The following PCDH11Y variants were observed in gnomAD, a reference collection of about 807,000 sequenced individuals.
The protein encoded by PCDH11Y is protocadherin 11 Y-linked, also known as protocadherin-11 Y-linked.
For synonymous variants in PCDH11Y, 9 were observed against 83.6 expected (o/e 0.11, Z 4.87); for missense variants, 12 against 224.8 (o/e 0.05, Z 6.05).
intron 4 of PCDH11Y, among the ~76,000 whole-genome samples, chrY:5,725,215 C>T (rs2053597772): frequency 1.1e-3 from 28 of 25,233 alleles, no homozygotes; most frequent in African/African-American, 4.0e-3. Context: ...TGCAGTGAGC[C>T]GGAGATCGTG....
At chrY:5,298,884 T>C in intron 2 of PCDH11Y, among the ~76,000 whole-genome samples, 1 of 32,981 alleles carries the variant, frequency 3.0e-5, no homozygotes, top group Admixed American at 2.8e-4. Context: ...AGTTTTTCTA[T>C]ATTCTGATAA....
intron 2 of PCDH11Y, among the ~76,000 whole-genome samples, chrY:5,132,008 G>A (rs2052834719): frequency 8.9e-4 from 29 of 32,732 alleles, no homozygotes; most frequent in Non-Finnish European, 1.7e-3. Flanking sequence ...GATTGAGATC[G>A]ACTATCTTAA....
chrY:5,300,805 T>C, intron 2 of PCDH11Y, among the ~76,000 whole-genome samples: 1 of 33,551 alleles, frequency 3.0e-5, no homozygotes, highest in Non-Finnish European at 7.5e-5. Context: ...TGACAGCAGG[T>C]TTATGGTCTC....
intron 2 of PCDH11Y, among the ~76,000 whole-genome samples, chrY:5,363,652 A>G: frequency 1.3e-4 from 4 of 30,331 alleles, no homozygotes; most frequent in Middle Eastern, 0.015. Flanking sequence ...TTGAAATTGC[A>G]TTTACATATA....
At chrY:5,109,084 T>C (rs1602869176), downstream of PCDH11Y, among the ~76,000 whole-genome samples, 1 of 33,207 alleles carries the variant, frequency 3.0e-5, no homozygotes, top group East Asian at 7.9e-4. Flanking sequence ...TTTCTTGGCT[T>C]TTATGAAGCT....
chrY:5,355,998 C>G, intron 2 of PCDH11Y, among the ~76,000 whole-genome samples: 1 of 33,047 alleles, frequency 3.0e-5, no homozygotes, highest in Non-Finnish European at 7.4e-5. Flanking sequence ...GAGTTATAAA[C>G]TTTCCCTTGA....
intron 2 of PCDH11Y, among the ~76,000 whole-genome samples, chrY:5,457,155 T>A (rs2053299133): frequency 3.0e-5 from 1 of 33,464 alleles, no homozygotes; most frequent in African/African-American, 1.2e-4. Context: ...TCAAATTAAG[T>A]GTTTTATATA....
chrY:5,491,410 C>T, intron 2 of PCDH11Y, among the ~76,000 whole-genome samples: 1 of 33,122 alleles, frequency 3.0e-5, no homozygotes, highest in African/African-American at 1.2e-4. Flanking sequence ...CTGAGAGGTG[C>T]GCTTTCACTC....
intron 2 of PCDH11Y, among the ~76,000 whole-genome samples, chrY:5,474,869 G>T (rs1602930683): frequency 7.5e-3 from 247 of 32,811 alleles, no homozygotes; most frequent in African/African-American, 0.028. Flanking sequence ...AGTTTTCAGT[G>T]AATACCTTTC....
chrY:5,018,939 C>T, intron 1 of PCDH11Y: 1 of 33,635 alleles, frequency 3.0e-5, no homozygotes, highest in African/African-American at 1.2e-4. Context: ...AACACAGATG[C>T]ATTTGCTTGA....
chrY:5,029,792 G>A, intron 1 of PCDH11Y, among the ~76,000 whole-genome samples: 2 of 29,206 alleles, frequency 6.8e-5, no homozygotes, highest in East Asian at 8.9e-4. Flanking sequence ...GCATGGTGAC[G>A]GGTGCCTGTA....
At chrY:5,174,139 G>GATAT (rs771513755) in intron 2 of PCDH11Y, among the ~76,000 whole-genome samples, 192 of 9,822 alleles carry the variant, frequency 0.02, no homozygotes, top group Middle Eastern at 0.15. Flanking sequence ...ATACAAATGT[G>GATAT]ATATATATAT....
chrY:5,459,470 A>G, intron 2 of PCDH11Y, among the ~76,000 whole-genome samples: 3 of 32,220 alleles, frequency 9.3e-5, no homozygotes, highest in Admixed American at 2.9e-4. Flanking sequence ...GGTTAGATAC[A>G]GGGAAGCTAC....
chrY:5,374,172 A>C, intron 2 of PCDH11Y, among the ~76,000 whole-genome samples: 1 of 30,853 alleles, frequency 3.2e-5, no homozygotes, highest in Non-Finnish European at 7.8e-5. Flanking sequence ...GAGCTCAGTA[A>C]TTATAATTAT....
At chrY:5,502,047 A>G (rs2053354527) in intron 3 of PCDH11Y, among the ~76,000 whole-genome samples, 1 of 32,013 alleles carries the variant, frequency 3.1e-5, no homozygotes, top group East Asian at 8.0e-4. Context: ...ACAAAAAAGC[A>G]TACAATATAT....
chrY:5,584,317 T>G, intron 4 of PCDH11Y, among the ~76,000 whole-genome samples: 1 of 31,589 alleles, frequency 3.2e-5, no homozygotes, highest in Non-Finnish European at 7.8e-5. Flanking sequence ...AATGTGTTGT[T>G]GAATTCAGTT....
At chrY:5,132,862 T>G (rs2052835438) in intron 2 of PCDH11Y, among the ~76,000 whole-genome samples, 29 of 33,351 alleles carry the variant, frequency 8.7e-4, no homozygotes, top group Admixed American at 7.0e-3. Context: ...TATCTCATCA[T>G]TATTTAAAAT....
At chrY:5,274,615 G>T (rs2053041999) in intron 2 of PCDH11Y, among the ~76,000 whole-genome samples, 4 of 34,203 alleles carry the variant, frequency 1.2e-4, no homozygotes, top group African/African-American at 4.5e-4. Flanking sequence ...AAGGTGCTGG[G>T]ATTACAGGCA....
chrY:5,308,611 G>A, intron 2 of PCDH11Y, among the ~76,000 whole-genome samples: 1 of 32,585 alleles, frequency 3.1e-5, no homozygotes, highest in Non-Finnish European at 7.5e-5. Flanking sequence ...GCAGTGAGCC[G>A]AGATTGCACC....
Sources: allele counts gnomAD v4.1 joint callset (sites outside exome capture counted in the v4.1 genomes callset), GRCh38; gene constraint gnomAD v4.1.1; transcripts MANE v1.5; gene names NCBI Gene and HGNC (gene_info 2026-07-23, HGNC 2026-07-21).